BABAM2: variants seen among roughly 807,000 people sequenced by gnomAD.
The protein encoded by BABAM2 is BRISC and BRCA1-A complex member 2.
In BABAM2, 31 loss-of-function variants were observed where a neutral mutation model predicts 54.7. The ratio of observed to expected loss-of-function variants is 0.57; its 90% CI spans 0.43 to 0.77. The LOEUF is 0.77. Ranked by LOEUF, BABAM2 falls within the 30% of genes least tolerant of loss-of-function variation. The probability of loss-of-function intolerance (pLI) is 0.00; values close to 1 mark genes in which losing one functional copy is unlikely to be tolerated. For synonymous variants in BABAM2, 167 were observed against 162.9 expected, an observed-to-expected ratio of 1.03 and a Z score of -0.19; for missense variants, 364 against 455.8, an observed-to-expected ratio of 0.80 and a Z score of 1.83.
At chr2:28,230,292 A>C (rs1263763035) in intron 7 of BABAM2, among the ~76,000 whole-genome samples, 2 of 152,102 alleles carry the variant, frequency 1.3e-5, no homozygotes, top group African/African-American at 4.8e-5. Flanking sequence ...TCCATATTGA[A>C]TTACACCCTG....
intron 6 of BABAM2, among the ~76,000 whole-genome samples, chr2:28,082,119 A>T (rs1665227517): frequency 6.6e-6 from 1 of 152,192 alleles, no homozygotes; most frequent in African/African-American, 2.4e-5. Context: ...GGGGAAAAAA[A>T]ACAACCATGC....
At chr2:27,983,680 G>A (rs541787650) in intron 3 of BABAM2, among the ~76,000 whole-genome samples, 1 of 152,042 alleles carries the variant, frequency 6.6e-6, no homozygotes, top group East Asian at 1.9e-4. Flanking sequence ...TACTTCTTTT[G>A]TTAAGTTTAT....
chr2:28,279,660 CTTT>C (rs59747836), intron 10 of BABAM2, among the ~76,000 whole-genome samples: 3 of 100,288 alleles, frequency 3.0e-5, no homozygotes, highest in Non-Finnish European at 5.8e-5. Flanking sequence ...AGCTCAAAGG[CTTT>C]TTTTTTTTTT....
intron 6 of BABAM2, among the ~76,000 whole-genome samples, chr2:28,083,913 G>A (rs1477610818): frequency 6.6e-6 from 1 of 152,128 alleles, no homozygotes; most frequent in Non-Finnish European, 1.5e-5. Flanking sequence ...AAAACACATA[G>A]CCCCCCTTCC....
At chr2:27,996,755 G>T (rs1673177539) in intron 4 of BABAM2, among the ~76,000 whole-genome samples, 1 of 152,048 alleles carries the variant, frequency 6.6e-6, no homozygotes, top group Admixed American at 6.6e-5. Context: ...CCCTAAATTT[G>T]CAAATGTCCC....
chr2:28,092,629 A>T (rs1666246547), intron 6 of BABAM2, among the ~76,000 whole-genome samples: 1 of 152,194 alleles, frequency 6.6e-6, no homozygotes, highest in Non-Finnish European at 1.5e-5. Flanking sequence ...GCCCCCCAGG[A>T]TGCTTTGAAA....
At chr2:28,029,687 T>C (rs957773882) in intron 5 of BABAM2, among the ~76,000 whole-genome samples, 1 of 152,172 alleles carries the variant, frequency 6.6e-6, no homozygotes, top group African/African-American at 2.4e-5. Context: ...TCTTTGAGAT[T>C]CTGCTTTGAG....
intron 6 of BABAM2, among the ~76,000 whole-genome samples, chr2:28,111,175 G>A (rs1321131037): frequency 1.3e-5 from 2 of 149,988 alleles, no homozygotes; most frequent in Non-Finnish European, 3.0e-5. Context: ...TAGAGATGGG[G>A]TTTCACCATT....
In BABAM2 at chr2:28,045,748, C is replaced by T. The variant is rs1198670227; in HGVS notation, c.519C>T (p.Phe173=). 1 of 1,611,116 alleles carries T rather than the reference C, an allele frequency of 6.2e-7. No individual in the cohort carries two copies. Among genetic ancestry groups the T allele is most frequent in the Non-Finnish European group, 8.5e-7 (1 of 1,178,174 alleles). Residue 173 remains phenylalanine (F), a synonymous_variant, in exon 6 of 12, where the codon TTC becomes TTT. Transcript: ENST00000379624. ...NNWTGEFSAR[F]LLKLPVDFSN... Reference sequence around the variant, plus strand: ...AGACTGGTGAATTTTCAGCTCGTTTCCTTTTGAAGCTGCCCGTAGATTTCA... The same window carrying T: ...AGACTGGTGAATTTTCAGCTCGTTTTCTTTTGAAGCTGCCCGTAGATTTCA...
intron 7 of BABAM2, among the ~76,000 whole-genome samples, chr2:28,132,032 C>T (rs180963289): frequency 2.4e-4 from 37 of 152,218 alleles, no homozygotes; most frequent in Admixed American, 1.8e-3. Context: ...CTCTAAAAAT[C>T]TAACGTGTGG....
chr2:28,108,063 C>T (rs535744650), intron 6 of BABAM2, among the ~76,000 whole-genome samples: 5 of 151,620 alleles, frequency 3.3e-5, no homozygotes, highest in South Asian at 2.1e-4. Context: ...TTTGCTGTTC[C>T]GTTTTTTTTT....
intron 6 of BABAM2, among the ~76,000 whole-genome samples, chr2:28,124,702 T>G (rs569486080): frequency 1.3e-5 from 2 of 152,328 alleles, no homozygotes; most frequent in Admixed American, 1.3e-4. Flanking sequence ...AAGATCCTGC[T>G]CTTACCCACT....
intron 6 of BABAM2, among the ~76,000 whole-genome samples, chr2:28,104,358 C>G (rs1667325934): frequency 6.6e-6 from 1 of 152,098 alleles, no homozygotes; most frequent in Non-Finnish European, 1.5e-5. Flanking sequence ...AACAAACAAC[C>G]CCATCAAAAA....
At chr2:28,272,629 T>G (rs192352880) in intron 10 of BABAM2, among the ~76,000 whole-genome samples, 9 of 152,320 alleles carry the variant, frequency 5.9e-5, no homozygotes, top group African/African-American at 2.2e-4. Flanking sequence ...TCAGTTTGAC[T>G]GAAGACTCAG....
At chr2:28,145,560 ATT>A (rs1325727476) in intron 7 of BABAM2, among the ~76,000 whole-genome samples, 2 of 151,936 alleles carry the variant, frequency 1.3e-5, no homozygotes, top group Non-Finnish European at 2.9e-5. Flanking sequence ...TCTTTTATTT[ATT>A]TGTTAGTAGT....
At chr2:28,321,416 C>A (rs762912254) in intron 11 of BABAM2, among the ~76,000 whole-genome samples, 1 of 152,178 alleles carries the variant, frequency 6.6e-6, no homozygotes, top group Middle Eastern at 3.2e-3. Context: ...ATCTCTAACC[C>A]ATGTTTCTTT....
At chr2:28,217,683 T>C (rs2148004730) in intron 7 of BABAM2, among the ~76,000 whole-genome samples, 1 of 152,368 alleles carries the variant, frequency 6.6e-6, no homozygotes. Flanking sequence ...TTTAAAGTTT[T>C]TATGTCATAT....
chr2:27,947,403 A>G (rs906715687), intron 3 of BABAM2, among the ~76,000 whole-genome samples: 1 of 152,156 alleles, frequency 6.6e-6, no homozygotes, highest in African/African-American at 2.4e-5. Context: ...TACTTCATTT[A>G]TCATGTAAGA....
chr2:28,337,183 A>G (rs1691541343), intron 11 of BABAM2, among the ~76,000 whole-genome samples: 1 of 133,352 alleles, frequency 7.5e-6, no homozygotes, highest in Admixed American at 7.3e-5. Flanking sequence ...GCAGGGCTAG[A>G]AGGCAAGCCT....
Sources: allele counts gnomAD v4.1 joint callset (sites outside exome capture counted in the v4.1 genomes callset), GRCh38; gene constraint gnomAD v4.1.1; transcripts MANE v1.5; gene names NCBI Gene and HGNC (gene_info 2026-07-23, HGNC 2026-07-21).